GMDS: variants seen among roughly 807,000 people sequenced by gnomAD.
GMDS encodes GDP-mannose 4,6-dehydratase.
Under a neutral mutation model 49.9 loss-of-function variants are expected in GMDS, and 20 were observed. The ratio of observed to expected loss-of-function variants is 0.40; its 90% CI spans 0.28 to 0.58. GMDS has a LOEUF of 0.58. Among genes scored for constraint, GMDS ranks in the 20% least tolerant of loss-of-function variants. The pLI, the probability that GMDS is intolerant of heterozygous loss-of-function variation, is 0.42. For missense variants in GMDS, 362 were observed against 481.4 expected (o/e 0.75, Z 2.32); for synonymous variants, 177 against 178.6 (o/e 0.99, Z 0.07).
intron 7 of GMDS, among the ~76,000 whole-genome samples, chr6:1,775,028 C>A (rs3823264): frequency 6.6e-6 from 1 of 152,120 alleles, no homozygotes; most frequent in African/African-American, 2.4e-5. Context: ...CTGTTAGAGA[C>A]AACAACTTAA....
intron 6 of GMDS, among the ~76,000 whole-genome samples, chr6:1,956,271 G>T (rs1039124928): frequency 6.6e-6 from 1 of 152,180 alleles, no homozygotes; most frequent in Non-Finnish European, 1.5e-5. Context: ...CTCCATAGAT[G>T]AAAGCAGCCA....
At chr6:1,980,519 C>T (rs1017963012) in intron 4 of GMDS, among the ~76,000 whole-genome samples, 2 of 151,738 alleles carry the variant, frequency 1.3e-5, no homozygotes, top group African/African-American at 4.8e-5. Flanking sequence ...TATACAAACA[C>T]TCAATAAAAA....
At chr6:1,795,005 CAT>C (rs1769683087) in intron 7 of GMDS, among the ~76,000 whole-genome samples, 3 of 152,064 alleles carry the variant, frequency 2.0e-5, no homozygotes, top group Admixed American at 6.5e-5. Flanking sequence ...GCCTGGGAAA[CAT>C]AGCGAAGCCC....
At chr6:1,919,453 A>T (rs953518375) in intron 7 of GMDS, among the ~76,000 whole-genome samples, 2 of 152,232 alleles carry the variant, frequency 1.3e-5, no homozygotes, top group African/African-American at 4.8e-5. Flanking sequence ...ACAATTTCTC[A>T]AAGGATTTCT....
chr6:1,819,401 G>A (rs1209821996), intron 7 of GMDS, among the ~76,000 whole-genome samples: 1 of 152,126 alleles, frequency 6.6e-6, no homozygotes, highest in Non-Finnish European at 1.5e-5. Context: ...TTGTACCTTG[G>A]TGTATCAGAA....
intron 7 of GMDS, among the ~76,000 whole-genome samples, chr6:1,900,749 C>A (rs575537682): frequency 6.6e-5 from 10 of 152,192 alleles, no homozygotes; most frequent in South Asian, 2.1e-4. Flanking sequence ...CTCTCCGACA[C>A]TGGATAAATC....
At chr6:1,747,472 ACGCTCATGCGTGTGCGCG>A (rs796764650) in intron 7 of GMDS, among the ~76,000 whole-genome samples, 2 of 5,120 alleles carry the variant, frequency 3.9e-4, no homozygotes, top group East Asian at 0.02. Context: ...ACACACACAC[ACGCTCATGCGTGTGCGCG>A]CACACACACA....
intron 1 of GMDS, among the ~76,000 whole-genome samples, chr6:2,206,288 C>A (rs1225445203): frequency 6.6e-6 from 1 of 151,782 alleles, no homozygotes; most frequent in Non-Finnish European, 1.5e-5. Flanking sequence ...ACATCCAACT[C>A]TGAAATGAGT....
chr6:1,984,113 G>A (rs564983962), intron 4 of GMDS, among the ~76,000 whole-genome samples: 3 of 152,212 alleles, frequency 2.0e-5, no homozygotes, highest in Admixed American at 6.5e-5. Context: ...CAAACTAACA[G>A]AACAGAACAG....
At chr6:2,211,229 C>T (rs944027903) in intron 1 of GMDS, among the ~76,000 whole-genome samples, 1 of 152,180 alleles carries the variant, frequency 6.6e-6, no homozygotes, top group Non-Finnish European at 1.5e-5. Context: ...TGCCACCACA[C>T]TAGAAGAGTA....
chr6:1,988,464 G>A (rs192712980), intron 4 of GMDS, among the ~76,000 whole-genome samples: 20 of 152,212 alleles, frequency 1.3e-4, no homozygotes, highest in Admixed American at 5.9e-4. Context: ...CCTTCTTGGC[G>A]GTGGGGGCGA....
Position 2,114,976 on chromosome 6 carries a change from A to C in GMDS, c.345+795T>G, listed in dbSNP as rs186658687. The stretch of plus-strand genomic sequence containing the variant: ...ACAAACAAACAAACAAACAAACAAA[A>C]AAAAACCTCATACATTTTCTGGACT... On this transcript the variant is annotated intron_variant, in intron 4 of 10. Transcript: ENST00000380815. Among the ~76,000 whole-genome samples the C allele has an allele frequency of 5.5e-4, 79 of 142,966 alleles. 2 individuals are homozygous for C. Among genetic ancestry groups the C allele is most frequent in the African/African-American group, 1.2e-3 (49 of 40,814 alleles). 93.8% of individuals were successfully genotyped at this position (142,966 alleles called of 152,430 possible).
chr6:1,641,395 C>T (rs192959867), intron 9 of GMDS, among the ~76,000 whole-genome samples: 42 of 152,344 alleles, frequency 2.8e-4, no homozygotes, highest in Middle Eastern at 6.8e-3. Context: ...GCACAGCCTG[C>T]GTCTCAGAAT....
At chr6:2,205,986 C>G (rs1454794479) in intron 1 of GMDS, among the ~76,000 whole-genome samples, 1 of 152,124 alleles carries the variant, frequency 6.6e-6, no homozygotes, top group Non-Finnish European at 1.5e-5. Flanking sequence ...CGGCTGGGTG[C>G]AGTGGCTCAC....
intron 9 of GMDS, among the ~76,000 whole-genome samples, chr6:1,630,354 T>C (rs1319608847): frequency 6.6e-6 from 1 of 152,254 alleles, no homozygotes; most frequent in Non-Finnish European, 1.5e-5. Context: ...AGCTTGTTCC[T>C]TTCCCCAGAC....
chr6:1,829,105 C>T (rs1205039176), intron 7 of GMDS, among the ~76,000 whole-genome samples: 1 of 152,112 alleles, frequency 6.6e-6, no homozygotes, highest in Non-Finnish European at 1.5e-5. Context: ...AGGTCTTCAT[C>T]CTTGTCTTCA....
intron 9 of GMDS, among the ~76,000 whole-genome samples, chr6:1,644,233 T>C (rs1412037681): frequency 1.3e-5 from 2 of 152,106 alleles, no homozygotes; most frequent in Non-Finnish European, 2.9e-5. Context: ...AGACCCCTGA[T>C]TCCACCCGAG....
chr6:2,025,400 G>A (rs1768532439), intron 4 of GMDS, among the ~76,000 whole-genome samples: 1 of 115,062 alleles, frequency 8.7e-6, no homozygotes, highest in Non-Finnish European at 1.9e-5. Flanking sequence ...GTGTGTGTGT[G>A]TGTGTGTTTT....
chr6:1,858,966 G>GC (rs1554127322), intron 7 of GMDS, among the ~76,000 whole-genome samples: 62 of 57,506 alleles, frequency 1.1e-3, no homozygotes, highest in Non-Finnish European at 1.5e-3. Flanking sequence ...TTTGTGTTTT[G>GC]GGGGGGGCAG....
Sources: allele counts gnomAD v4.1 joint callset (sites outside exome capture counted in the v4.1 genomes callset), GRCh38; gene constraint gnomAD v4.1.1; transcripts MANE v1.5; gene names NCBI Gene and HGNC (gene_info 2026-07-23, HGNC 2026-07-21).